Variants in BRD4 observed in about 807,000 individuals in gnomAD.
The protein encoded by BRD4 is bromodomain-containing protein 4.
Under a neutral mutation model 142.1 loss-of-function variants are expected in BRD4, and 16 were observed. The observed-to-expected ratio is 0.11, with a 90% CI of 0.08 to 0.17. BRD4 has a LOEUF of 0.17. BRD4 is among the 10% of genes least tolerant of loss of function. The pLI is 1.00. For missense variants in BRD4, 1,424 were observed against 1,810.9 expected, an observed-to-expected ratio of 0.79 and a Z score of 3.88; for synonymous variants, 833 against 707.5, an observed-to-expected ratio of 1.18 and a Z score of -2.82.
chr19:15,292,482 T>A (rs2047789286), intron 1 of BRD4, among the ~76,000 whole-genome samples: 1 of 152,040 alleles, frequency 6.6e-6, no homozygotes, highest in Admixed American at 6.5e-5. Context: ...TGTAGATGTT[T>A]CGTTGAAAAG....
rs781461904 is a variant in BRD4, at chr19:15,264,541, C to T, written c.1075G>A (p.Gly359Ser). The change falls in exon 6 of 20, where the codon GGC (glycine) becomes AGC (serine). Residue 359 changes from glycine to serine, a missense_variant. Around this residue, in one of 16 missense-constraint regions of BRD4, gnomAD observed 30 missense variants for 65.2 expected, o/e 0.46. Transcript: ENST00000679869. ...TTGGCAAACATCTCCTTGAGGATGC[C>T]GCTGCAGCACTTGAGCTGCTCCGAG... ...KVSEQLKCCS[G>S]ILKEMFAKKH... 1.5e-5 allele frequency: 25 copies of T among 1,614,066 alleles called. No individual in the cohort carries two copies. Among genetic ancestry groups the T allele is most frequent in the East Asian group, 6.7e-5 (3 of 44,886 alleles).
chr19:15,265,438 G>A lies in BRD4; in HGVS notation c.765C>T (p.Pro255=). ...CTGGAGCGGGTGGGGGTTGTGGCTG[G>A]GGGGGCACTGGCGGGGGCGTCTGCA... The part of the protein sequence containing the change: ...QPLQTPPPVP[P]QPQPPPAPAP... Residue 255 remains proline (P), a synonymous_variant, in exon 5 of 20, where the codon CCC becomes CCT. Transcript: ENST00000679869. 1 of 1,574,104 alleles carries A rather than the reference G, an allele frequency of 6.4e-7. No individual in the cohort carries two copies. Among genetic ancestry groups the A allele is most frequent in the Non-Finnish European group, 8.6e-7 (1 of 1,158,816 alleles).
chr19:15,322,335 G>C (rs895137124), intron 1 of BRD4, among the ~76,000 whole-genome samples: 2 of 151,902 alleles, frequency 1.3e-5, no homozygotes, highest in East Asian at 1.9e-4. Context: ...GCAGTGACAC[G>C]ATCTCGGCTC....
At chr19:15,281,727 T>C (rs769532014) in intron 1 of BRD4, among the ~76,000 whole-genome samples, 1 of 152,178 alleles carries the variant, frequency 6.6e-6, no homozygotes, top group African/African-American at 2.4e-5. Flanking sequence ...AGATCAAAAC[T>C]GTTGGGTTGG....
In BRD4 at chr19:15,242,946, C is replaced by T. The variant is rs1197263974; in HGVS notation, c.3123G>A (p.Gln1041=). The T allele has an allele frequency of 2.0e-6, 3 of 1,526,684 alleles. No homozygotes were observed. The highest frequency in any genetic ancestry group is 2.6e-6 in the Non-Finnish European group (3 of 1,133,082). 94.6% of individuals were successfully genotyped at this position (1,526,684 alleles called of 1,614,324 possible). A position where few individuals can be genotyped will look rare whatever the true frequency, so the allele number is the denominator to read the frequency against. ...PQPAKPQQVI[Q]HHHSPRHHKS... is the part of the protein sequence containing the mutation. ...TGTGGTGCCGGGGTGAATGGTGGTGCTGGATGACTTGCTGAGGCTTGGCAG... is the reference window on the plus strand; with the variant it reads ...TGTGGTGCCGGGGTGAATGGTGGTGTTGGATGACTTGCTGAGGCTTGGCAG... Residue 1041 remains glutamine, a synonymous_variant, in exon 14 of 20, where the codon CAG becomes CAA. Coordinates refer to ENST00000679869, the MANE Select transcript of BRD4 (RefSeq NM_001379291.1).
intron 1 of BRD4, 21 bp from the exon 2 acceptor site, chr19:15,273,154 C>A (rs2145625848): frequency 1.3e-6 from 2 of 1,526,078 alleles, no homozygotes; most frequent in Non-Finnish European, 1.8e-6. Context: ...AGAGAAGAGC[C>A]CCCGTGAGAT....
In BRD4 at chr19:15,244,218, G is replaced by A. The variant is rs200853561; in HGVS notation, c.2581+13C>T. 4.5e-5 allele frequency: 69 copies of A among 1,549,036 alleles called. No individual in the cohort carries two copies. The highest frequency in any genetic ancestry group is 5.8e-5 in the Non-Finnish European group (67 of 1,150,550). ...AGGGGTCTCAACCCACACTGGGGCA[G>A]GCCACGGCTCACCTGGAGGAGAGAC... On this transcript the variant is annotated intron_variant, in intron 13 of 19. Transcript: ENST00000679869.
intron 1 of BRD4, among the ~76,000 whole-genome samples, chr19:15,313,916 A>T (rs149324286): frequency 6.6e-6 from 1 of 152,246 alleles, no homozygotes; most frequent in African/African-American, 2.4e-5. Flanking sequence ...AACCAGAAAC[A>T]TCAAGTGCTT....
intron 1 of BRD4, among the ~76,000 whole-genome samples, chr19:15,296,563 G>A (rs1251610526): frequency 6.6e-6 from 1 of 152,196 alleles, no homozygotes; most frequent in Non-Finnish European, 1.5e-5. Context: ...GATGTCCGCA[G>A]ACCAGCCAGT....
At chr19:15,261,208 C>T (rs987714110) in intron 7 of BRD4, among the ~76,000 whole-genome samples, 2 of 152,170 alleles carry the variant, frequency 1.3e-5, no homozygotes, top group Non-Finnish European at 2.9e-5. Context: ...AAAGTCTGGC[C>T]GGGCACGGTG....
At chr19:15,316,155 C>CAAAA (rs980486654) in intron 1 of BRD4, among the ~76,000 whole-genome samples, 29 of 33,012 alleles carry the variant, frequency 8.8e-4, no homozygotes, top group South Asian at 1.9e-3. Flanking sequence ...GACACCGTCT[C>CAAAA]AAAAAAAAAA....
intron 1 of BRD4, among the ~76,000 whole-genome samples, chr19:15,328,547 T>C (rs1197433844): frequency 6.6e-6 from 1 of 152,190 alleles, no homozygotes; most frequent in Non-Finnish European, 1.5e-5. Flanking sequence ...TAGTTGAAAC[T>C]CACATTCCTT....
At chr19:15,254,347 G>C (rs565696804) in intron 10 of BRD4, 85 bp from the exon 11 acceptor site, 101 of 1,190,050 alleles carry the variant, frequency 8.5e-5, no homozygotes, top group Non-Finnish European at 1.2e-4. Context: ...CATCCATCTG[G>C]AGGAAGGACC....
chr19:15,265,528 G>C lies in BRD4; in HGVS notation c.675C>G (p.Phe225Leu), dbSNP rs200115372. 11 of 1,614,068 alleles carry C rather than the reference G, an allele frequency of 6.8e-6. No individual in the cohort carries two copies. Among genetic ancestry groups the C allele is most frequent in the Non-Finnish European group, 9.3e-6 (11 of 1,180,010 alleles). ...PPPVQATPHP[F>L]PAVTPDLIVQ... ...CGATGAGGTCCGGGGTGACGGCAGG[G>C]AAGGGGTGAGGCGTGGCCTGCACAG... The change falls in exon 5 of 20, where the codon TTC becomes TTG. Residue 225 changes from phenylalanine to leucine, a missense_variant. Phe to Leu is a conservative substitution (Grantham distance 22). Transcript: ENST00000679869.
chr19:15,286,129 G>A lies in BRD4; in HGVS notation c.-34-12996C>T, dbSNP rs147669107. On this transcript the variant is annotated intron_variant, in intron 1 of 19. Coordinates refer to ENST00000679869, the MANE Select transcript of BRD4 (RefSeq NM_001379291.1). Reference sequence around the variant, plus strand: ...AATTCTTCCCACGCCTCTGTCCTATGGACCTAAGGCCAAAAGCCAGACAAA... The same window carrying A: ...AATTCTTCCCACGCCTCTGTCCTATAGACCTAAGGCCAAAAGCCAGACAAA... Among the ~76,000 whole-genome samples the A allele has an allele frequency of 1.1e-4, 17 of 152,306 alleles. No individual in the cohort carries two copies. The East Asian group carries it at 3.1e-3, about 28-fold the overall frequency.
chr19:15,255,236 G>A, intron 10 of BRD4, 61 bp downstream of exon 10: 5 of 1,529,362 alleles, frequency 3.3e-6, no homozygotes, highest in Non-Finnish European at 4.4e-6. Context: ...GAGCAAGGAG[G>A]GAAAAGTTAC....
At chr19:15,320,064 A>G (rs969739438) in intron 1 of BRD4, among the ~76,000 whole-genome samples, 3 of 152,158 alleles carry the variant, frequency 2.0e-5, no homozygotes, top group African/African-American at 4.8e-5. Flanking sequence ...GTTTATGCCT[A>G]TGTGCATTTT....
intron 1 of BRD4, among the ~76,000 whole-genome samples, chr19:15,317,463 G>A (rs2048026719): frequency 6.6e-6 from 1 of 152,144 alleles, no homozygotes; most frequent in South Asian, 2.1e-4. Context: ...AAAAATTAAG[G>A]AAGATGTCAA....
chr19:15,307,400 G>C (rs2047923627), intron 1 of BRD4, among the ~76,000 whole-genome samples: 1 of 152,162 alleles, frequency 6.6e-6, no homozygotes, highest in Non-Finnish European at 1.5e-5. Flanking sequence ...ACCTGCTCCA[G>C]ATCACTGCCA....
Sources: gnomAD v4.1 joint callset for allele counts (sites outside exome capture counted in the v4.1 genomes callset) on GRCh38, gnomAD v4.1.1 for gene constraint, gnomAD v4.1.1 regional missense constraint, MANE v1.5 for transcripts, NCBI Gene and HGNC (gene_info 2026-07-23, HGNC 2026-07-21) for gene names.